LUZP2: variants seen among roughly 807,000 people sequenced by gnomAD.
LUZP2 encodes leucine zipper protein 2.
In LUZP2, 52 loss-of-function variants were observed where a neutral mutation model predicts 51.6. The observed-to-expected ratio is 1.01, with a 90% CI of 0.81 to 1.27. The LOEUF (loss-of-function observed/expected upper bound fraction) is 1.27, where lower values mean the gene tolerates loss of function less well. Among genes scored for constraint, LUZP2 ranks in the 50% most tolerant of loss-of-function variants. The pLI is 0.00. For missense variants in LUZP2, 436 were observed against 395.4 expected, an observed-to-expected ratio of 1.10 and a Z score of -0.87; for synonymous variants, 154 against 137.3, an observed-to-expected ratio of 1.12 and a Z score of -0.85.
At chr11:24,527,373 CA>C (rs150527428) in intron 1 of LUZP2, among the ~76,000 whole-genome samples, 19,640 of 150,828 alleles carry the variant, frequency 0.13, 1,819 homozygotes, top group African/African-American at 0.26. Context: ...ATGGATAGTT[CA>C]AAAGTAATTT....
intron 4 of LUZP2, among the ~76,000 whole-genome samples, chr11:24,754,251 C>T (rs938995610): frequency 6.6e-6 from 1 of 152,148 alleles, no homozygotes; most frequent in Non-Finnish European, 1.5e-5. Context: ...TCTACCTTGG[C>T]CAGCCAAAGT....
intron 1 of LUZP2, among the ~76,000 whole-genome samples, chr11:24,680,256 C>T (rs115600425): frequency 1.3e-5 from 2 of 152,226 alleles, no homozygotes; most frequent in African/African-American, 2.4e-5. Context: ...TCATTACTTT[C>T]ACACTTTGTA....
chr11:25,040,387 G>A (rs1370740620), intron 9 of LUZP2, among the ~76,000 whole-genome samples: 2 of 111,906 alleles, frequency 1.8e-5, no homozygotes, highest in South Asian at 2.7e-4. Context: ...AATACCCCTG[G>A]GGAAATCATT....
chr11:24,743,500 T>C (rs754332878), intron 4 of LUZP2, among the ~76,000 whole-genome samples: 2 of 152,134 alleles, frequency 1.3e-5, no homozygotes, highest in Non-Finnish European at 2.9e-5. Flanking sequence ...TGGTCGCTGT[T>C]GGTGTAGAGA....
chr11:24,706,046 T>A (rs1857571536), intron 1 of LUZP2, among the ~76,000 whole-genome samples: 1 of 152,078 alleles, frequency 6.6e-6, no homozygotes, highest in African/African-American at 2.4e-5. Flanking sequence ...ATGAGGGCAA[T>A]GAAAAAATTT....
intron 1 of LUZP2, among the ~76,000 whole-genome samples, chr11:24,577,976 T>C (rs192840707): frequency 1.2e-4 from 18 of 152,284 alleles, no homozygotes; most frequent in African/African-American, 3.8e-4. Flanking sequence ...CATGATGCCA[T>C]CAGCGTTCTG....
At chr11:24,981,105 C>T (rs1347172027) in intron 8 of LUZP2, among the ~76,000 whole-genome samples, 1 of 151,746 alleles carries the variant, frequency 6.6e-6, no homozygotes, top group Non-Finnish European at 1.5e-5. Context: ...ACAAATGACA[C>T]CTAACAGTAT....
At chr11:24,988,109 C>T (rs2133921773) in intron 9 of LUZP2, among the ~76,000 whole-genome samples, 1 of 152,080 alleles carries the variant, frequency 6.6e-6, no homozygotes, top group East Asian at 1.9e-4. Flanking sequence ...AGAGATTTCT[C>T]AAATAATACA....
At chr11:25,049,300 A>T (rs1339338826) in intron 9 of LUZP2, among the ~76,000 whole-genome samples, 2 of 152,192 alleles carry the variant, frequency 1.3e-5, no homozygotes, top group African/African-American at 4.8e-5. Context: ...GGGATTGAGG[A>T]GCTGAGTGAA....
intron 5 of LUZP2, among the ~76,000 whole-genome samples, chr11:24,883,725 T>A (rs112297799): frequency 6.6e-6 from 1 of 152,046 alleles, no homozygotes; most frequent in Non-Finnish European, 1.5e-5. Context: ...CTAGCAAACA[T>A]TGAATGAAAC....
intron 1 of LUZP2, among the ~76,000 whole-genome samples, chr11:24,622,528 C>T (rs963325087): frequency 2.0e-5 from 3 of 152,088 alleles, no homozygotes; most frequent in African/African-American, 7.2e-5. Flanking sequence ...AAACTTTATT[C>T]AGGTAGATTT....
chr11:24,829,256 C>T (rs1182403648), intron 5 of LUZP2, among the ~76,000 whole-genome samples: 3 of 151,984 alleles, frequency 2.0e-5, no homozygotes, highest in Non-Finnish European at 4.4e-5. Context: ...AGACCTTAAC[C>T]AAAAATAAAG....
intron 1 of LUZP2, among the ~76,000 whole-genome samples, chr11:24,581,534 G>A (rs1273831943): frequency 1.8e-5 from 1 of 54,768 alleles, no homozygotes; most frequent in Non-Finnish European, 5.8e-5. Flanking sequence ...ACCCAGGTGT[G>A]GTGGCGCTCT....
intron 7 of LUZP2, among the ~76,000 whole-genome samples, chr11:24,972,325 A>G (rs1377024940): frequency 2.0e-5 from 3 of 152,022 alleles, no homozygotes; most frequent in Non-Finnish European, 4.4e-5. Flanking sequence ...ATATAGTCAT[A>G]TATTACTATT....
intron 1 of LUZP2, among the ~76,000 whole-genome samples, chr11:24,500,246 G>A (rs999918445): frequency 7.2e-5 from 11 of 151,888 alleles, no homozygotes; most frequent in South Asian, 2.1e-4. Flanking sequence ...TTTAAAAAAC[G>A]AACAAAGAAA....
chr11:24,871,653 A>C (rs1229269388), intron 5 of LUZP2, among the ~76,000 whole-genome samples: 1 of 151,996 alleles, frequency 6.6e-6, no homozygotes, highest in Non-Finnish European at 1.5e-5. Flanking sequence ...GGTTCCCCAA[A>C]TGTATTTAAT....
chr11:24,910,926 G>A (rs773012507), intron 6 of LUZP2, among the ~76,000 whole-genome samples: 7 of 152,122 alleles, frequency 4.6e-5, no homozygotes, highest in African/African-American at 1.7e-4. Flanking sequence ...AGCCAGGAGG[G>A]GGGCTGTACC....
rs1170230558 is a variant in LUZP2 at position 24,977,117 on chromosome 11, C to T, written c.597+452C>T. Among the ~76,000 whole-genome samples, 3 of 151,590 alleles carry T rather than the reference C, an allele frequency of 2.0e-5. No homozygotes were observed. The East Asian group carries it at 5.8e-4, about 29-fold the overall frequency. ...ATTTACTTAGAAACATGCACAAGAACACTGAATATAGCAATGTTTATATTA... is the reference window on the plus strand; with the variant it reads ...ATTTACTTAGAAACATGCACAAGAATACTGAATATAGCAATGTTTATATTA... On this transcript the variant is annotated intron_variant, in intron 8 of 11. Transcript: ENST00000336930.
chr11:24,774,161 C>T (rs938906202), intron 5 of LUZP2, among the ~76,000 whole-genome samples: 1 of 151,518 alleles, frequency 6.6e-6, no homozygotes, highest in Non-Finnish European at 1.5e-5. Flanking sequence ...GAGAGACTGG[C>T]CTAGCCTCTC....
Sources: allele counts gnomAD v4.1 joint callset (sites outside exome capture counted in the v4.1 genomes callset), GRCh38; gene constraint gnomAD v4.1.1; transcripts MANE v1.5; gene names NCBI Gene and HGNC (gene_info 2026-07-23, HGNC 2026-07-21).